PEX7: variants seen among roughly 807,000 people sequenced by gnomAD.
PEX7 encodes the protein peroxisomal biogenesis factor 7.
A neutral mutation model predicts 47.5 loss-of-function variants in PEX7; 34 were observed. The ratio of observed to expected loss-of-function variants is 0.72; its 90% confidence interval spans 0.54 to 0.95. The LOEUF is 0.95. PEX7 is among the 40% of genes least tolerant of loss of function. The pLI is 0.00. For synonymous variants in PEX7, 141 were observed against 148.8 expected (o/e 0.95, Z 0.38); for missense variants, 394 against 400.3 (o/e 0.98, Z 0.13).
chr6:136,883,845 T>C (rs1396195272), intron 8 of PEX7, among the ~76,000 whole-genome samples: 2 of 152,250 alleles, frequency 1.3e-5, no homozygotes, highest in Non-Finnish European at 2.9e-5. Context: ...GGAATTCTCC[T>C]TTTTCTTGAA....
chr6:136,845,368 G>A (rs909774495), intron 3 of PEX7, among the ~76,000 whole-genome samples: 2 of 152,166 alleles, frequency 1.3e-5, no homozygotes, highest in Non-Finnish European at 2.9e-5. Flanking sequence ...TAGTGAAGAA[G>A]GTTTGGAAGT....
chr6:136,890,198 A>G (rs1201508777), intron 8 of PEX7, among the ~76,000 whole-genome samples: 5 of 152,214 alleles, frequency 3.3e-5, no homozygotes, highest in South Asian at 2.1e-4. Context: ...TTATTCATCT[A>G]TTTTCATCCT....
At chr6:136,825,744 A>T (rs1037996717) in intron 2 of PEX7, among the ~76,000 whole-genome samples, 1 of 152,144 alleles carries the variant, frequency 6.6e-6, no homozygotes, top group African/African-American at 2.4e-5. Context: ...CATTTTGGCC[A>T]GGCTGGTCTC....
chr6:136,830,971 G>A (rs1227200450), intron 3 of PEX7, among the ~76,000 whole-genome samples: 1 of 152,114 alleles, frequency 6.6e-6, no homozygotes, highest in Non-Finnish European at 1.5e-5. Context: ...TGGAGGAAAT[G>A]TATTTGCTTA....
chr6:136,893,202 C>CTTTTTTTTTTTTTTTTTTTTTT (rs1487406339), intron 8 of PEX7, among the ~76,000 whole-genome samples: 1 of 150,452 alleles, frequency 6.6e-6, no homozygotes, highest in Non-Finnish European at 1.5e-5. Flanking sequence ...CTTTTTTTTT[C>CTTTTTTTTTTTTTTTTTTTTTT]TTTTTTTAAA....
Position 136,822,594 on chromosome 6 carries a change from C to G in PEX7, c.-72C>G, listed in dbSNP as rs1176031659. ...CGTCCGGTCTGCCTGGTCTCTCTAA[C>G]CGCGCCAGTGTGCCTCCGACTCGGA... On this transcript the variant is annotated 5_prime_UTR_variant, in exon 1 of 10. Coordinates refer to ENST00000318471, the MANE Select transcript of PEX7 (RefSeq NM_000288.4). 11 of 1,392,298 alleles carry G rather than the reference C, an allele frequency of 7.9e-6. No individual in the cohort carries two copies. The highest frequency in any genetic ancestry group is 1.1e-5 in the Non-Finnish European group (11 of 1,022,388). 86.2% of individuals were successfully genotyped at this position (1,392,298 alleles called of 1,614,324 possible).
chr6:136,863,052 A>G (rs878892910), intron 5 of PEX7, among the ~76,000 whole-genome samples: 2 of 152,228 alleles, frequency 1.3e-5, no homozygotes, highest in Admixed American at 1.3e-4. Context: ...GCTAGACCAC[A>G]GACAGTGATT....
intron 1 of PEX7, among the ~76,000 whole-genome samples, chr6:136,824,546 A>C (rs1378420995): frequency 6.6e-6 from 1 of 152,154 alleles, no homozygotes; most frequent in African/African-American, 2.4e-5. Context: ...TTTAAAGGGA[A>C]TTGGTATTTA....
intron 3 of PEX7, among the ~76,000 whole-genome samples, chr6:136,831,345 A>G (rs1411450360): frequency 2.0e-5 from 3 of 152,190 alleles, no homozygotes. Context: ...CAAGAACAGC[A>G]TGGGGGAAAC....
At chr6:136,823,378 A>T in intron 1 of PEX7, 1 of 983,286 alleles carries the variant, frequency 1.0e-6, no homozygotes, top group Non-Finnish European at 1.2e-6. Context: ...ACACATTCGC[A>T]AGTAGGTGTT....
chr6:136,868,913 A>T (rs1459601994), intron 6 of PEX7, among the ~76,000 whole-genome samples: 1 of 152,142 alleles, frequency 6.6e-6, no homozygotes, highest in African/African-American at 2.4e-5. Context: ...ACATTCTTGG[A>T]TATGATTAGA....
In PEX7 at chr6:136,845,657, G is replaced by C. The variant is rs1046525626; in HGVS notation, c.382G>C (p.Val128Leu). The C allele has an allele frequency of 5.6e-6, 9 of 1,611,052 alleles. No homozygotes were observed. Among genetic ancestry groups the C allele is most frequent in the Non-Finnish European group, 6.8e-6 (8 of 1,177,256 alleles). Residue 128 changes from valine (V) to leucine (L), a missense_variant, in exon 4 of 10, where the codon GTG becomes CTG. Transcript: ENST00000318471. ...GAGCCAAACCAGAGGTGAACAGCTT[G>C]TGGTGTCTGGCTCATGGGATCAAAC... is the stretch of plus-strand genomic sequence containing the variant. ...DWSQTRGEQL[V>L]VSGSWDQTVK...
intron 8 of PEX7, among the ~76,000 whole-genome samples, chr6:136,881,772 G>A (rs1775379448): frequency 6.6e-6 from 1 of 152,122 alleles, no homozygotes; most frequent in South Asian, 2.1e-4. Flanking sequence ...ATAGTTTTTG[G>A]CTTTCAGTCT....
chr6:136,913,118 C>CT (rs2115299597), intron 9 of PEX7, among the ~76,000 whole-genome samples: 1 of 152,366 alleles, frequency 6.6e-6, no homozygotes, highest in Non-Finnish European at 1.5e-5. Context: ...TGTTCACAGT[C>CT]TGGAACGTAT....
chr6:136,884,016 G>A (rs1775424273), intron 8 of PEX7, among the ~76,000 whole-genome samples: 1 of 152,146 alleles, frequency 6.6e-6, no homozygotes, highest in Non-Finnish European at 1.5e-5. Context: ...GGAGGCTAGT[G>A]ATTGCATATT....
chr6:136,872,750 A>T (rs1775204786), intron 8 of PEX7, among the ~76,000 whole-genome samples: 1 of 151,994 alleles, frequency 6.6e-6, no homozygotes, highest in South Asian at 2.1e-4. Context: ...GTCTCTATTT[A>T]TACTTCCAGT....
chr6:136,874,873 C>G (rs973581447), intron 8 of PEX7, among the ~76,000 whole-genome samples: 5 of 152,108 alleles, frequency 3.3e-5, no homozygotes, highest in African/African-American at 1.2e-4. Flanking sequence ...GGTGCAGTAG[C>G]TCATGCGTGT....
intron 5 of PEX7, among the ~76,000 whole-genome samples, chr6:136,862,515 A>G (rs1355853252): frequency 1.3e-5 from 2 of 151,986 alleles, no homozygotes; most frequent in African/African-American, 4.8e-5. Context: ...AGCTGGGACT[A>G]CAGGTGTGTG....
rs267608258 is a variant in PEX7 at position 136,913,471 on chromosome 6, C to T, written c.917C>T (p.Ser306Phe). Residue 306 changes from serine to phenylalanine, a missense_variant, in exon 10 of 10, where the codon TCT becomes TTT. By Grantham distance (155) the Ser-to-Phe change is radical. Coordinates refer to ENST00000318471, the MANE Select transcript of PEX7 (RefSeq NM_000288.4). Reference sequence around the variant, plus strand: ...TTTGTTTTCTAGGTGGCTGACTGTTCTTGGGATGAAACAATAAAGATCTAT... The same window carrying T: ...TTTGTTTTCTAGGTGGCTGACTGTTTTTGGGATGAAACAATAAAGATCTAT... ...LQSPTQVADC[S>F]WDETIKIYDP... 1.2e-6 allele frequency: 2 copies of T among 1,611,496 alleles called. No individual in the cohort carries two copies. The highest frequency in any genetic ancestry group is 1.7e-6 in the Non-Finnish European group (2 of 1,178,102).
Sources: gnomAD v4.1 joint callset for allele counts (sites outside exome capture counted in the v4.1 genomes callset) on GRCh38, gnomAD v4.1.1 for gene constraint, MANE v1.5 for transcripts, NCBI Gene and HGNC (gene_info 2026-07-23, HGNC 2026-07-21) for gene names.